Variants in MCPH1 observed in about 807,000 individuals in gnomAD.
MCPH1 encodes microcephalin 1.
Under a neutral mutation model 84.5 loss-of-function variants are expected in MCPH1, and 104 were observed. The observed-to-expected ratio is 1.23, with a 90% CI of 1.05 to 1.45. The LOEUF is 1.45. Ranked by LOEUF, MCPH1 falls within the 40% of genes most tolerant of loss-of-function variation. The pLI is 0.00. For synonymous variants in MCPH1, 514 were observed against 366.8 expected (o/e 1.40, Z -4.58); for missense variants, 1,498 against 1,005.7 (o/e 1.49, Z -6.62).
intron 12 of MCPH1, among the ~76,000 whole-genome samples, chr8:6,523,010 T>A (rs1284158165): frequency 1.3e-5 from 2 of 152,108 alleles, no homozygotes; most frequent in African/African-American, 4.8e-5. Context: ...TTTTTTTTCT[T>A]TTTTTGAGAT....
At chr8:6,463,352 C>G (rs1207731730) in intron 9 of MCPH1, among the ~76,000 whole-genome samples, 1 of 152,192 alleles carries the variant, frequency 6.6e-6, no homozygotes, top group Non-Finnish European at 1.5e-5. Context: ...TCTTTGTGAG[C>G]TGCGATAGGG....
At chr8:6,622,420 G>A (rs769337495) in intron 13 of MCPH1, among the ~76,000 whole-genome samples, 12 of 152,186 alleles carry the variant, frequency 7.9e-5, no homozygotes, top group East Asian at 3.9e-4. Context: ...TGGGGAATGC[G>A]GAGGAAGCAG....
At chr8:6,498,220 CCTT>C (rs1355294122) in intron 11 of MCPH1, among the ~76,000 whole-genome samples, 2 of 152,290 alleles carry the variant, frequency 1.3e-5, no homozygotes, top group Admixed American at 6.5e-5. Flanking sequence ...TTCACTCTGC[CCTT>C]CTTATAAGAA....
intron 12 of MCPH1, among the ~76,000 whole-genome samples, chr8:6,595,882 G>C (rs567688771): frequency 1.3e-5 from 2 of 152,326 alleles, no homozygotes; most frequent in East Asian, 1.9e-4. Flanking sequence ...CATCAGAAAA[G>C]TTAGGGTGCA....
rs1371296622 is a variant in MCPH1, at chr8:6,592,657, T to G, written c.2215-28797T>G. On this transcript the variant is annotated intron_variant, in intron 12 of 13. Transcript: ENST00000344683. Reference sequence around the variant, plus strand: ...TTTTTTTTTTTTGTTGCTGTTGTTGTTTGTTTGTTTTAATTGAGAAGGGGT... The same window carrying G: ...TTTTTTTTTTTTGTTGCTGTTGTTGGTTGTTTGTTTTAATTGAGAAGGGGT... Among the ~76,000 whole-genome samples, 2 of 143,340 alleles carry G rather than the reference T, an allele frequency of 1.4e-5. 1 individual carries two copies. The highest frequency in any genetic ancestry group is 4.1e-4 in the East Asian group (2 of 4,820). 94.0% of individuals were successfully genotyped at this position (143,340 alleles called of 152,430 possible).
At chr8:6,469,852 C>T (rs1269995740) in intron 9 of MCPH1, among the ~76,000 whole-genome samples, 4 of 152,204 alleles carry the variant, frequency 2.6e-5, no homozygotes, top group African/African-American at 9.6e-5. Flanking sequence ...CCTGCTCCCT[C>T]ATCTCTACTC....
chr8:6,437,858 A>G (rs1394537390), intron 5 of MCPH1, among the ~76,000 whole-genome samples: 1 of 152,086 alleles, frequency 6.6e-6, no homozygotes, highest in East Asian at 1.9e-4. Flanking sequence ...TGCCTGGATC[A>G]TCCCTCCTGC....
At chr8:6,585,230 G>T (rs1458917814) in intron 12 of MCPH1, among the ~76,000 whole-genome samples, 1 of 152,210 alleles carries the variant, frequency 6.6e-6, no homozygotes, top group Non-Finnish European at 1.5e-5. Context: ...GAGAGGAGCT[G>T]GGGTCTCACT....
chr8:6,641,150 T>C (rs996718755), intron 13 of MCPH1, among the ~76,000 whole-genome samples: 2 of 152,248 alleles, frequency 1.3e-5, no homozygotes, highest in African/African-American at 4.8e-5. Flanking sequence ...TTTGAAAAGT[T>C]TGAAATTTTT....
chr8:6,440,428 G>A (rs941724961), intron 6 of MCPH1, among the ~76,000 whole-genome samples: 2 of 152,180 alleles, frequency 1.3e-5, no homozygotes, highest in East Asian at 3.8e-4. Context: ...GAGTCTCCCT[G>A]TGTTGCGCAG....
At chr8:6,626,199 C>T (rs886357533) in intron 13 of MCPH1, 1 of 985,394 alleles carries the variant, frequency 1.0e-6, no homozygotes, top group Non-Finnish European at 1.2e-6. Context: ...CCAGCTGCCC[C>T]ACCTTGCTGG....
At position 6,433,079 on chromosome 8, in the gene MCPH1, C is replaced by G. The variant is rs942125677; in HGVS notation, c.321+1493C>G. Among the ~76,000 whole-genome samples the G allele has an allele frequency of 1.2e-4, 19 of 152,298 alleles. 1 individual carries two copies. Among genetic ancestry groups the G allele is most frequent in the African/African-American group, 4.3e-4 (18 of 41,564 alleles). On this transcript the variant is annotated intron_variant, in intron 4 of 13. Coordinates refer to ENST00000344683, the MANE Select transcript of MCPH1 (RefSeq NM_024596.5). ...TGTGTATCATTTGGTGAGTTGCCTTCTCTTCCCCAATTAACAATATGGTTT... is the reference window on the plus strand; with the variant it reads ...TGTGTATCATTTGGTGAGTTGCCTTGTCTTCCCCAATTAACAATATGGTTT...
chr8:6,519,898 G>T lies in MCPH1; in HGVS notation c.2214+19969G>T, dbSNP rs61733318. 3.1e-6 allele frequency: 5 copies of T among 1,614,074 alleles called. No individual in the cohort carries two copies. The South Asian group carries it at 4.4e-5, about 14-fold the overall frequency. On this transcript the variant is annotated intron_variant, in intron 12 of 13. Transcript: ENST00000344683. Reference sequence around the variant, plus strand: ...TTCTGTAGAATTAGGGAATGTTAACGTGTAGATGCCATTCGTGGTGTGTCC... The same window carrying T: ...TTCTGTAGAATTAGGGAATGTTAACTTGTAGATGCCATTCGTGGTGTGTCC...
chr8:6,591,730 C>G (rs1828471818), intron 12 of MCPH1, among the ~76,000 whole-genome samples: 1 of 152,186 alleles, frequency 6.6e-6, no homozygotes, highest in Non-Finnish European at 1.5e-5. Flanking sequence ...ACACTCAGCT[C>G]CTGCACTGCA....
intron 12 of MCPH1, among the ~76,000 whole-genome samples, chr8:6,593,088 T>TTG (rs1465616948): frequency 6.7e-6 from 1 of 148,918 alleles, no homozygotes; most frequent in Non-Finnish European, 1.5e-5. Flanking sequence ...GTGGTTTTTT[T>TTG]TTTTTTTTTT....
At chr8:6,632,569 G>A (rs1275480271) in intron 13 of MCPH1, among the ~76,000 whole-genome samples, 2 of 152,172 alleles carry the variant, frequency 1.3e-5, no homozygotes, top group African/African-American at 4.8e-5. Context: ...CAACACTTTG[G>A]AAGGCCGAGG....
At chr8:6,545,807 C>A (rs751243666) in intron 12 of MCPH1, among the ~76,000 whole-genome samples, 9 of 152,184 alleles carry the variant, frequency 5.9e-5, no homozygotes, top group African/African-American at 9.7e-5. Context: ...CTACCCATTG[C>A]CCATTGGAAT....
intron 12 of MCPH1, chr8:6,532,180 C>T (rs1175283571): frequency 1.1e-6 from 1 of 873,792 alleles, no homozygotes; most frequent in East Asian, 2.5e-5. Context: ...CATAAGCAGC[C>T]ATACATCCTT....
chr8:6,642,685 C>G lies in MCPH1; in HGVS notation c.2453-309C>G, dbSNP rs749660171. ...TCTTGGCTCCTATGTCACAGACTGG[C>G]AAGCTTCCCACCCTGCCCACTGAGT... On this transcript the variant is annotated intron_variant, in intron 13 of 13. Transcript: ENST00000344683. 59 of 450,804 alleles carry G rather than the reference C, an allele frequency of 1.3e-4. 1 individual carries two copies. Among genetic ancestry groups the G allele is most frequent in the Non-Finnish European group, 2.0e-4 (49 of 244,052 alleles). The allele number at this position is 450,804 out of a possible 1,614,324, so 27.9% of individuals were successfully genotyped here.
Sources: gnomAD v4.1 joint callset for allele counts (sites outside exome capture counted in the v4.1 genomes callset) on GRCh38, gnomAD v4.1.1 for gene constraint, MANE v1.5 for transcripts, NCBI Gene and HGNC (gene_info 2026-07-23, HGNC 2026-07-21) for gene names.